Variants in UBE2D2 observed in about 807,000 individuals in gnomAD.
UBE2D2 encodes ubiquitin conjugating enzyme E2 D2.
UBE2D2 carries 2 observed loss-of-function variants against 24.2 expected under a neutral mutation model. The ratio of observed to expected loss-of-function variants is 0.08; its 90% CI spans 0.03 to 0.26. The LOEUF (loss-of-function observed/expected upper bound fraction) is 0.26. UBE2D2 is among the 10% of genes least tolerant of loss of function. The probability of loss-of-function intolerance (pLI) is 1.00; values close to 1 mark genes in which losing one functional copy is unlikely to be tolerated. For missense variants in UBE2D2, 44 were observed against 177.6 expected (o/e 0.25, Z 4.28); for synonymous variants, 58 against 56.5 (o/e 1.03, Z -0.12).
At chr5:139,599,699 T>G (rs1255932115) in intron 1 of UBE2D2, 1 of 151,278 alleles carries the variant, frequency 6.6e-6, no homozygotes, top group African/African-American at 2.4e-5. Context: ...ATTGCGCCAC[T>G]GCACTCCAGC....
chr5:139,552,194 A>ACTC (rs2126639966), intron 1 of UBE2D2, among the ~76,000 whole-genome samples: 1 of 143,146 alleles, frequency 7.0e-6, no homozygotes, highest in African/African-American at 2.6e-5. Flanking sequence ...ACGGAGTCTC[A>ACTC]CTCTGTTGCC....
At chr5:139,550,365 AT>A (rs1479685670) in intron 1 of UBE2D2, among the ~76,000 whole-genome samples, 2 of 151,998 alleles carry the variant, frequency 1.3e-5, no homozygotes, top group African/African-American at 4.8e-5. Context: ...TAGCTCAGGG[AT>A]TGTAAATGCA....
chr5:139,550,527 C>G (rs113492355), intron 1 of UBE2D2, among the ~76,000 whole-genome samples: 2 of 152,106 alleles, frequency 1.3e-5, no homozygotes, highest in African/African-American at 2.4e-5. Flanking sequence ...AGGCTGCCTG[C>G]GCTAGTAGTG....
Position 139,602,953 on chromosome 5 carries a change from G to A in UBE2D2, c.88+2518G>A, listed in dbSNP as rs138286592. 3.6e-4 allele frequency among the ~76,000 whole-genome samples: 55 copies of A among 152,236 alleles called. No homozygotes were observed. The East Asian group carries it at 8.5e-3, about 24-fold the overall frequency. ...TAATTTAGTAAGTGCTGTTACACAC[G>A]TTGTCTCATTTAAGCCTTACAACAA... is the stretch of plus-strand genomic sequence containing the variant. On this transcript the variant is annotated intron_variant, in intron 2 of 6. Transcript: ENST00000398733.
chr5:139,603,037 A>G (rs1561517083), intron 2 of UBE2D2, among the ~76,000 whole-genome samples: 1 of 152,074 alleles, frequency 6.6e-6, no homozygotes, highest in African/African-American at 2.4e-5. Flanking sequence ...TCCCATGAGA[A>G]TCTCATGGAG....
intron 1 of UBE2D2, among the ~76,000 whole-genome samples, chr5:139,538,641 C>G (rs1472590219): frequency 6.6e-6 from 1 of 151,966 alleles, no homozygotes; most frequent in African/African-American, 2.4e-5. Flanking sequence ...GAGGCCGAGG[C>G]GGGCAGATCA....
chr5:139,591,974 C>T (rs1007983480), intron 1 of UBE2D2, among the ~76,000 whole-genome samples: 5 of 151,946 alleles, frequency 3.3e-5, no homozygotes, highest in Non-Finnish European at 4.4e-5. Flanking sequence ...CCGAGGCGGG[C>T]GGATCCCTTG....
chr5:139,558,809 CT>C (rs530897728), upstream of UBE2D2, among the ~76,000 whole-genome samples: 4 of 150,720 alleles, frequency 2.7e-5, no homozygotes, highest in African/African-American at 9.7e-5. Flanking sequence ...ATACATATTG[CT>C]TTTTTTTTAA....
chr5:139,543,177 G>A (rs1199697726), intron 1 of UBE2D2, among the ~76,000 whole-genome samples: 1 of 152,156 alleles, frequency 6.6e-6, no homozygotes, highest in East Asian at 1.9e-4. Context: ...TTACAGGCGT[G>A]AGCCACCGTG....
chr5:139,581,815 C>T (rs571946284), intron 1 of UBE2D2, among the ~76,000 whole-genome samples: 36 of 151,946 alleles, frequency 2.4e-4, no homozygotes, highest in South Asian at 2.3e-3. Flanking sequence ...ATTACAGGCG[C>T]GCGCCACCAT....
At chr5:139,579,222 G>A (rs1581505290) in intron 1 of UBE2D2, among the ~76,000 whole-genome samples, 5 of 151,828 alleles carry the variant, frequency 3.3e-5, no homozygotes, top group Admixed American at 3.3e-4. Flanking sequence ...ATCTTGGCTC[G>A]CTGCAACCTC....
At chr5:139,604,940 C>T (rs1754167981) in intron 2 of UBE2D2, among the ~76,000 whole-genome samples, 1 of 150,434 alleles carries the variant, frequency 6.6e-6, no homozygotes, top group African/African-American at 2.4e-5. Flanking sequence ...CATAAGAGTA[C>T]ATCAAGTATG....
intron 1 of UBE2D2, among the ~76,000 whole-genome samples, chr5:139,531,900 T>G (rs1752602703): frequency 6.6e-6 from 1 of 151,786 alleles, no homozygotes; most frequent in African/African-American, 2.4e-5. Flanking sequence ...GGTGGGAGGT[T>G]TGCTTGAACC....
At chr5:139,574,754 GAAAA>G (rs1753432496) in intron 1 of UBE2D2, among the ~76,000 whole-genome samples, 4 of 132,214 alleles carry the variant, frequency 3.0e-5, no homozygotes, top group Admixed American at 7.6e-5. Context: ...AAAAAAAAAA[GAAAA>G]GAAAAGGTGG....
intron 1 of UBE2D2, among the ~76,000 whole-genome samples, chr5:139,537,296 C>T (rs1352002136): frequency 3.3e-5 from 5 of 151,740 alleles, no homozygotes; most frequent in African/African-American, 7.3e-5. Flanking sequence ...TTTTTTGAAG[C>T]GGAATGTAAA....
intron 1 of UBE2D2, among the ~76,000 whole-genome samples, chr5:139,544,057 G>A (rs1459395521): frequency 2.6e-5 from 4 of 151,932 alleles, no homozygotes; most frequent in African/African-American, 9.7e-5. Context: ...AGAGTATAAA[G>A]CAAAAAGTGA....
intron 1 of UBE2D2, among the ~76,000 whole-genome samples, chr5:139,562,562 A>AT (rs1753134621): frequency 6.6e-6 from 1 of 152,198 alleles, no homozygotes; most frequent in Admixed American, 6.6e-5. Context: ...CTGAACATTG[A>AT]AAACCACCAG....
chr5:139,559,101 T>A (rs1028259137), upstream of UBE2D2, among the ~76,000 whole-genome samples: 1 of 152,016 alleles, frequency 6.6e-6, no homozygotes, highest in Non-Finnish European at 1.5e-5. Flanking sequence ...GCTTTTCTAA[T>A]ACAAAAGTTA....
In UBE2D2 at chr5:139,605,788, G is replaced by T. The variant is rs537145266; in HGVS notation, c.88+5353G>T. On this transcript the variant is annotated intron_variant, in intron 2 of 6. Transcript: ENST00000398733. Reference sequence around the variant, plus strand: ...GGGGCTCACTCTGTTGCCCAGGCTAGAGTGCAGTGGCGCGATTGCAGCTCA... The same window carrying T: ...GGGGCTCACTCTGTTGCCCAGGCTATAGTGCAGTGGCGCGATTGCAGCTCA... 2.0e-5 allele frequency among the ~76,000 whole-genome samples: 3 copies of T among 150,402 alleles called. No individual in the cohort carries two copies. In the South Asian group the frequency reaches 6.4e-4, roughly 32 times the overall value.
Sources: gnomAD v4.1 joint callset for allele counts (sites outside exome capture counted in the v4.1 genomes callset) on GRCh38, gnomAD v4.1.1 for gene constraint, MANE v1.5 for transcripts, NCBI Gene and HGNC (gene_info 2026-07-23, HGNC 2026-07-21) for gene names.